The following ASIC2 variants were observed in gnomAD, a reference collection of about 807,000 sequenced individuals.
ASIC2 encodes the protein acid-sensing ion channel 2.
Under a neutral mutation model 57.3 loss-of-function variants are expected in ASIC2, and 25 were observed. The observed-to-expected ratio is 0.44, with a 90% CI of 0.32 to 0.61. The LOEUF is 0.61. ASIC2 is among the 20% of genes least tolerant of loss of function. The pLI is 0.06. For missense variants in ASIC2, 641 were observed against 738.1 expected, an observed-to-expected ratio of 0.87 and a Z score of 1.52; for synonymous variants, 319 against 307.5, an observed-to-expected ratio of 1.04 and a Z score of -0.39.
chr17:33,790,505 T>C (rs916358392), intron 1 of ASIC2, among the ~76,000 whole-genome samples: 1 of 152,216 alleles, frequency 6.6e-6, no homozygotes, highest in Admixed American at 6.5e-5. Flanking sequence ...ATTTTAAAAT[T>C]TGCAGCCTCT....
rs148511269 is a variant in ASIC2, at chr17:33,188,238, C to T, written c.709-76171G>A. On this transcript the variant is annotated intron_variant, in intron 1 of 9. Transcript: ENST00000225823. Reference sequence around the variant, plus strand: ...ACACTGCAAAAGAAAAGATCAGTGACATTAAAGACACAGTGATAAAAACTA... The same window carrying T: ...ACACTGCAAAAGAAAAGATCAGTGATATTAAAGACACAGTGATAAAAACTA... Among the ~76,000 whole-genome samples the T allele has an allele frequency of 2.6e-5, 4 of 151,974 alleles. No homozygotes were observed. The East Asian group carries it at 7.7e-4, about 29-fold the overall frequency.
At chr17:34,100,653 T>A (rs1457205514) in intron 1 of ASIC2, among the ~76,000 whole-genome samples, 1 of 152,146 alleles carries the variant, frequency 6.6e-6, no homozygotes, top group Non-Finnish European at 1.5e-5. Context: ...GGGCCATCCA[T>A]CCCTGAGAGG....
chr17:33,805,096 G>A (rs186302664), intron 1 of ASIC2, among the ~76,000 whole-genome samples: 20 of 152,188 alleles, frequency 1.3e-4, no homozygotes, highest in African/African-American at 4.8e-4. Context: ...AACACCCCTC[G>A]ACCTTTTCTT....
chr17:33,737,531 T>C (rs17783274), intron 1 of ASIC2, among the ~76,000 whole-genome samples: 11,045 of 140,552 alleles, frequency 0.079, 502 homozygotes, highest in South Asian at 0.15. Flanking sequence ...CTGCTAATTG[T>C]AAACTGAGAC....
chr17:33,759,965 C>T (rs1046071193), intron 1 of ASIC2, among the ~76,000 whole-genome samples: 4 of 152,312 alleles, frequency 2.6e-5, no homozygotes, highest in African/African-American at 9.6e-5. Flanking sequence ...AACACACTCT[C>T]ACCAGATGTA....
Position 33,023,881 on chromosome 17 carries a change from G to A in ASIC2, c.1329C>T (p.Asn443=). The change falls in exon 6 of 10, where the codon AAC becomes AAT. Residue 443 remains asparagine, a synonymous_variant. Transcript: ENST00000225823. ...TSAKYLEKKF[N]KSEKYISENI... is the part of the protein sequence containing the mutation. The stretch of plus-strand genomic sequence containing the variant: ...CTTACGAGATATATTTTTCTGATTT[G>A]TTAAATTTCTTCTCAAGGTACTTGG... 1.2e-6 allele frequency: 2 copies of A among 1,614,108 alleles called. No homozygotes were observed. Among genetic ancestry groups the A allele is most frequent in the Non-Finnish European group, 1.7e-6 (2 of 1,180,004 alleles).
chr17:33,926,484 C>G (rs1446683760), intron 1 of ASIC2, among the ~76,000 whole-genome samples: 3 of 152,100 alleles, frequency 2.0e-5, no homozygotes, highest in Non-Finnish European at 2.9e-5. Context: ...TAATTTTATA[C>G]AGTATTTTTA....
At chr17:33,032,926 T>A (rs779855491) in intron 3 of ASIC2, among the ~76,000 whole-genome samples, 1 of 152,242 alleles carries the variant, frequency 6.6e-6, no homozygotes, top group East Asian at 1.9e-4. Context: ...TTAACTTTTT[T>A]TTTTTAGAAT....
chr17:33,375,677 A>G (rs918483328), intron 1 of ASIC2, among the ~76,000 whole-genome samples: 17 of 152,306 alleles, frequency 1.1e-4, no homozygotes, highest in Middle Eastern at 3.4e-3. Flanking sequence ...AGGGAAGGTC[A>G]CAGTGGCCTG....
At chr17:33,753,739 G>A (rs909582601) in intron 1 of ASIC2, among the ~76,000 whole-genome samples, 4 of 152,216 alleles carry the variant, frequency 2.6e-5, no homozygotes, top group African/African-American at 4.8e-5. Flanking sequence ...TGTATGAGTG[G>A]TTTGAAGTAT....
Position 33,291,484 on chromosome 17 carries a change from A to C in ASIC2, c.632T>G (p.Leu211Arg). Residue 211 changes from leucine (L) to arginine (R), a missense_variant, in exon 1 of 10, where the codon CTG becomes CGG. This residue lies in a region of ASIC2 where 382 missense variants were observed against 398.0 expected (regional missense o/e 0.96). Coordinates refer to ENST00000225823, the MANE Select transcript of ASIC2 (RefSeq NM_183377.2). ...EGISAAFMDR[L>R]GHQLEDMLLS... ...CAGCATGTCCTCCAGCTGGTGGCCC[A>C]GGCGGTCCATGAAGGCGGCGCTGAT... 6.2e-7 allele frequency: 1 copy of C among 1,612,602 alleles called. No homozygotes were observed. Among genetic ancestry groups the C allele is most frequent in the Non-Finnish European group, 8.5e-7 (1 of 1,179,738 alleles).
intron 1 of ASIC2, among the ~76,000 whole-genome samples, chr17:33,754,108 A>G (rs570659853): frequency 6.6e-6 from 1 of 152,302 alleles, no homozygotes; most frequent in South Asian, 2.1e-4. Flanking sequence ...CCTCCACCCC[A>G]GCCTCCCTGC....
intron 1 of ASIC2, among the ~76,000 whole-genome samples, chr17:34,121,648 C>T (rs1283972290): frequency 6.6e-6 from 1 of 151,484 alleles, no homozygotes; most frequent in African/African-American, 2.5e-5. Flanking sequence ...CACAACAGCT[C>T]CTCCGAGTCT....
intron 1 of ASIC2, among the ~76,000 whole-genome samples, chr17:33,813,792 G>A (rs1434660929): frequency 6.6e-6 from 1 of 151,860 alleles, no homozygotes; most frequent in Non-Finnish European, 1.5e-5. Flanking sequence ...AGGTAATAGG[G>A]GTGAAAGATA....
intron 3 of ASIC2, among the ~76,000 whole-genome samples, chr17:33,058,453 T>TC (rs1357405571): frequency 7.0e-6 from 1 of 142,540 alleles, no homozygotes; most frequent in Non-Finnish European, 1.5e-5. Context: ...CACTGTTTTT[T>TC]CTCCCTTCTG....
At chr17:33,978,596 G>C (rs1261521228) in intron 1 of ASIC2, among the ~76,000 whole-genome samples, 1 of 152,176 alleles carries the variant, frequency 6.6e-6, no homozygotes, top group Non-Finnish European at 1.5e-5. Flanking sequence ...TGGGTCTGCA[G>C]GGCAAGCCCT....
At chr17:34,027,014 A>G (rs1907401498) in intron 1 of ASIC2, among the ~76,000 whole-genome samples, 1 of 152,226 alleles carries the variant, frequency 6.6e-6, no homozygotes, top group South Asian at 2.1e-4. Context: ...GGAATGTGGC[A>G]ATCCACACCA....
chr17:33,443,405 G>GTT (rs1567862521), intron 1 of ASIC2, among the ~76,000 whole-genome samples: 4 of 99,558 alleles, frequency 4.0e-5, no homozygotes, highest in South Asian at 3.5e-4. Context: ...TGGAGGGTAA[G>GTT]ATTTTTTTTT....
chr17:33,529,255 C>T (rs957129491), intron 1 of ASIC2, among the ~76,000 whole-genome samples: 4 of 152,148 alleles, frequency 2.6e-5, no homozygotes, highest in Admixed American at 1.3e-4. Flanking sequence ...CAGTGATGCC[C>T]GAGCCCCACT....
Sources: gnomAD v4.1 joint callset for allele counts (sites outside exome capture counted in the v4.1 genomes callset) on GRCh38, gnomAD v4.1.1 for gene constraint, gnomAD v4.1.1 regional missense constraint, MANE v1.5 for transcripts, NCBI Gene and HGNC (gene_info 2026-07-23, HGNC 2026-07-21) for gene names.